The following ZMYM2 variants were observed in gnomAD, a reference collection of about 807,000 sequenced individuals.
ZMYM2 encodes the protein zinc finger MYM-type protein 2.
In ZMYM2, 56 loss-of-function variants were observed where a neutral mutation model predicts 162.8. The ratio of observed to expected loss-of-function variants is 0.34; its 90% confidence interval spans 0.28 to 0.43. The LOEUF (loss-of-function observed/expected upper bound fraction) is 0.43. ZMYM2 is among the 20% of genes least tolerant of loss of function. The probability of loss-of-function intolerance (pLI) is 1.00; values close to 1 mark genes in which losing one functional copy is unlikely to be tolerated. For missense variants in ZMYM2, 1,275 were observed against 1,621.8 expected, an observed-to-expected ratio of 0.79 and a Z score of 3.67; for synonymous variants, 510 against 541.6, an observed-to-expected ratio of 0.94 and a Z score of 0.81.
At chr13:20,022,264 A>G (rs1436760378) in intron 7 of ZMYM2, among the ~76,000 whole-genome samples, 2 of 152,164 alleles carry the variant, frequency 1.3e-5, no homozygotes, top group East Asian at 3.8e-4. Context: ...ATGACTTGAC[A>G]TTTTGAATAC....
intron 2 of ZMYM2, among the ~76,000 whole-genome samples, chr13:19,973,657 C>T (rs550789044): frequency 4.4e-4 from 57 of 128,798 alleles, no homozygotes; most frequent in African/African-American, 1.6e-3. Flanking sequence ...GGTGACAGAG[C>T]GAAACTCCAT....
At chr13:19,865,193 A>G in the ZMYM2 span, 1 of 148,794 alleles carries the variant, frequency 6.7e-6, no homozygotes, top group Non-Finnish European at 1.5e-5. Context: ...GGCCACACAT[A>G]AAATACGCTA....
chr13:19,973,297 A>T (rs1260634749), intron 2 of ZMYM2, among the ~76,000 whole-genome samples: 1 of 152,142 alleles, frequency 6.6e-6, no homozygotes, highest in East Asian at 1.9e-4. Context: ...GTAATGGAGA[A>T]ATCCATTTTA....
the ZMYM2 span, among the ~76,000 whole-genome samples, chr13:19,898,144 AT>A: frequency 6.6e-6 from 1 of 152,144 alleles, no homozygotes; most frequent in Non-Finnish European, 1.5e-5. Flanking sequence ...CATACAAAGT[AT>A]TTTTTTCCAA....
At chr13:19,930,376 G>A in the ZMYM2 span, among the ~76,000 whole-genome samples, 2 of 151,030 alleles carry the variant, frequency 1.3e-5, no homozygotes, top group African/African-American at 4.9e-5. Context: ...ACTCCAGCCT[G>A]GGCCACAGAG....
chr13:19,892,344 T>G, the ZMYM2 span, among the ~76,000 whole-genome samples: 1 of 151,880 alleles, frequency 6.6e-6, no homozygotes, highest in Non-Finnish European at 1.5e-5. Context: ...CAATCTCGGC[T>G]CACTGCAAGC....
chr13:19,999,223 T>G (rs935225708), intron 3 of ZMYM2, among the ~76,000 whole-genome samples: 7 of 152,220 alleles, frequency 4.6e-5, no homozygotes, highest in African/African-American at 1.7e-4. Context: ...GTACTTTGTT[T>G]ATTGCACTTC....
the ZMYM2 span, among the ~76,000 whole-genome samples, chr13:19,899,301 A>C: frequency 1.3e-5 from 2 of 152,038 alleles, no homozygotes. Context: ...AAATAGATAA[A>C]CAATTTTGTA....
intron 14 of ZMYM2, among the ~76,000 whole-genome samples, chr13:20,055,063 G>A (rs564066988): frequency 1.1e-4 from 17 of 150,284 alleles, no homozygotes; most frequent in Middle Eastern, 3.4e-3. Context: ...ATGCGAGTTT[G>A]AGAGCATACT....
At chr13:19,916,671 T>A in the ZMYM2 span, among the ~76,000 whole-genome samples, 4 of 142,826 alleles carry the variant, frequency 2.8e-5, no homozygotes, top group Non-Finnish European at 4.5e-5. Flanking sequence ...ATGAGACCAC[T>A]TGGACACAGG....
chr13:19,885,238 C>T, the ZMYM2 span, among the ~76,000 whole-genome samples: 2 of 152,142 alleles, frequency 1.3e-5, no homozygotes, highest in African/African-American at 4.8e-5. Context: ...TGTGCCACTG[C>T]ATTCCATCCT....
chr13:19,928,798 A>G, the ZMYM2 span, among the ~76,000 whole-genome samples: 1 of 105,578 alleles, frequency 9.5e-6, no homozygotes, highest in Non-Finnish European at 1.7e-5. Context: ...CTCTGTCTCA[A>G]AAAAAAAAAA....
the ZMYM2 span, among the ~76,000 whole-genome samples, chr13:19,920,985 G>A: frequency 6.6e-6 from 1 of 151,466 alleles, no homozygotes; most frequent in South Asian, 2.1e-4. Context: ...TGGCCAGGAT[G>A]GTCTCCATCC....
At chr13:19,885,912 TATACAC>T in the ZMYM2 span, among the ~76,000 whole-genome samples, 2 of 100,354 alleles carry the variant, frequency 2.0e-5, 1 homozygote, top group African/African-American at 7.2e-5. Flanking sequence ...TATATATGTA[TATACAC>T]ATATATATGT....
At chr13:19,965,073 A>G (rs1036784916) in intron 2 of ZMYM2, 5 of 323,558 alleles carry the variant, frequency 1.5e-5, no homozygotes, top group South Asian at 9.7e-5. Flanking sequence ...GTACCCTAAA[A>G]CTTAAAGTAT....
intron 2 of ZMYM2, among the ~76,000 whole-genome samples, chr13:19,992,385 C>G (rs1329757631): frequency 6.6e-6 from 1 of 152,026 alleles, no homozygotes; most frequent in African/African-American, 2.4e-5. Flanking sequence ...CATAGTGAGA[C>G]CTCGTCTCTA....
intron 21 of ZMYM2, among the ~76,000 whole-genome samples, chr13:20,073,465 G>C (rs1957242897): frequency 6.6e-6 from 1 of 152,166 alleles, no homozygotes; most frequent in South Asian, 2.1e-4. Flanking sequence ...AGCTAAAGGT[G>C]TATCATTTTA....
At chr13:20,084,582 G>A (rs1249451318) in intron 24 of ZMYM2, among the ~76,000 whole-genome samples, 2 of 152,196 alleles carry the variant, frequency 1.3e-5, no homozygotes, top group Admixed American at 6.5e-5. Context: ...GTATAGATAG[G>A]TGGAAATGTA....
chr13:19,900,481 T>C, the ZMYM2 span, among the ~76,000 whole-genome samples: 2 of 151,996 alleles, frequency 1.3e-5, no homozygotes, highest in Non-Finnish European at 2.9e-5. Context: ...ACTAGATGGG[T>C]TCACGGGTAA....
Sources: gnomAD v4.1 joint callset for allele counts (sites outside exome capture counted in the v4.1 genomes callset) on GRCh38, gnomAD v4.1.1 for gene constraint, MANE v1.5 for transcripts, NCBI Gene and HGNC (gene_info 2026-07-23, HGNC 2026-07-21) for gene names.